The following MGMT variants were observed in gnomAD, a reference collection of about 807,000 sequenced individuals.
MGMT encodes the protein O-6-methylguanine-DNA methyltransferase.
In MGMT, 14 loss-of-function variants were observed where a neutral mutation model predicts 15.9. That is an observed-to-expected ratio of 0.88 (90% CI 0.58 to 1.37). MGMT has a LOEUF of 1.37. Among genes scored for constraint, MGMT ranks in the 40% most tolerant of loss-of-function variants. The pLI is 0.00. For missense variants in MGMT, 282 were observed against 268.1 expected (o/e 1.05, Z -0.36); for synonymous variants, 130 against 118.2 (o/e 1.10, Z -0.65).
chr10:129,495,285 C>T (rs1845508837), intron 1 of MGMT, among the ~76,000 whole-genome samples: 2 of 152,238 alleles, frequency 1.3e-5, no homozygotes, highest in South Asian at 2.1e-4. Context: ...AAACGTAGTA[C>T]CTAATGCTGG....
intron 2 of MGMT, among the ~76,000 whole-genome samples, chr10:129,618,222 T>TA (rs1388907463): frequency 6.6e-6 from 1 of 152,314 alleles, no homozygotes; most frequent in East Asian, 1.9e-4. Context: ...GTTGGATTTC[T>TA]ATCCATTATT....
At chr10:129,536,545 A>G (rs1845987281) in intron 2 of MGMT, 168 bp downstream of exon 2, 1 of 769,450 alleles carries the variant, frequency 1.3e-6, no homozygotes, top group East Asian at 2.8e-5. Context: ...CGGCTCCTGC[A>G]TTTGCAGCTT....
chr10:129,738,402 C>G (rs1054792446), intron 3 of MGMT, among the ~76,000 whole-genome samples: 2 of 152,242 alleles, frequency 1.3e-5, no homozygotes, highest in African/African-American at 4.8e-5. Flanking sequence ...AATGCCTCGC[C>G]CTGCTTTGGC....
At chr10:129,576,529 C>T (rs569668180) in intron 2 of MGMT, among the ~76,000 whole-genome samples, 25 of 152,260 alleles carry the variant, frequency 1.6e-4, no homozygotes, top group East Asian at 3.9e-4. Flanking sequence ...ATTGATGGGA[C>T]GTATCTCAAA....
chr10:129,652,553 T>C (rs1287976935), intron 2 of MGMT, among the ~76,000 whole-genome samples: 1 of 152,094 alleles, frequency 6.6e-6, no homozygotes, highest in African/African-American at 2.4e-5. Context: ...AAGTTGAAGG[T>C]GGGAGGAGGG....
intron 3 of MGMT, among the ~76,000 whole-genome samples, chr10:129,723,301 G>A (rs1352719554): frequency 2.0e-5 from 3 of 152,096 alleles, no homozygotes; most frequent in Non-Finnish European, 4.4e-5. Context: ...AGTCCCCAAA[G>A]TCTATTGTGT....
intron 2 of MGMT, among the ~76,000 whole-genome samples, chr10:129,542,282 G>T (rs1322700953): frequency 6.6e-6 from 1 of 152,136 alleles, no homozygotes; most frequent in Non-Finnish European, 1.5e-5. Flanking sequence ...CCGAGTCTGT[G>T]CTGCCAGTTA....
chr10:129,618,258 C>G (rs1464236892), intron 2 of MGMT, among the ~76,000 whole-genome samples: 1 of 152,088 alleles, frequency 6.6e-6, no homozygotes, highest in Non-Finnish European at 1.5e-5. Flanking sequence ...TTCAGCTGAT[C>G]AAAGTTTAGA....
In MGMT at chr10:129,556,931, G is replaced by A. The variant is rs894646595; in HGVS notation, c.125+20554G>A. ...TGAGGCTACCCTTCATTGAAGGGGG[G>A]CCCGTGATGTTGAGTGTTCACCGTC... On this transcript the variant is annotated intron_variant, in intron 2 of 4. Coordinates refer to ENST00000651593, the MANE Select transcript of MGMT (RefSeq NM_002412.5). This position sits in a 1 kb window ranked among gnomAD's most constrained non-coding sequence, Gnocchi z 4.3. Among the ~76,000 whole-genome samples the A allele has an allele frequency of 9.9e-5, 15 of 152,100 alleles. No individual in the cohort carries two copies. The East Asian group carries it at 2.9e-3, about 29-fold the overall frequency.
intron 2 of MGMT, among the ~76,000 whole-genome samples, chr10:129,622,316 T>C (rs950842597): frequency 1.3e-5 from 2 of 152,250 alleles, no homozygotes; most frequent in Non-Finnish European, 2.9e-5. Context: ...TAAGCAGAGA[T>C]ACGATTCCAC....
At chr10:129,725,641 G>A (rs1018274675) in intron 3 of MGMT, among the ~76,000 whole-genome samples, 18 of 152,230 alleles carry the variant, frequency 1.2e-4, no homozygotes, top group African/African-American at 4.3e-4. Flanking sequence ...GCTGGGGTCT[G>A]CCCACTTCCT....
intron 2 of MGMT, among the ~76,000 whole-genome samples, chr10:129,624,913 T>C (rs1308339148): frequency 6.6e-6 from 1 of 152,006 alleles, no homozygotes; most frequent in Non-Finnish European, 1.5e-5. Flanking sequence ...GAAGGAACAG[T>C]AAAAATAAGA....
chr10:129,625,489 A>G (rs928292907), intron 2 of MGMT, among the ~76,000 whole-genome samples: 2 of 152,248 alleles, frequency 1.3e-5, no homozygotes, highest in Non-Finnish European at 2.9e-5. Context: ...TAGAATGTCA[A>G]TTTTACAATA....
chr10:129,753,640 C>T (rs1848773531), intron 3 of MGMT, among the ~76,000 whole-genome samples: 1 of 152,138 alleles, frequency 6.6e-6, no homozygotes, highest in South Asian at 2.1e-4. Context: ...TATTTTTCAA[C>T]ACTAAATTTT....
intron 4 of MGMT, among the ~76,000 whole-genome samples, chr10:129,762,762 G>A (rs866011222): frequency 1.5e-4 from 23 of 152,250 alleles, no homozygotes; most frequent in Middle Eastern, 3.4e-3. Flanking sequence ...ATGACCCCCC[G>A]AGGCTTGTTC....
At chr10:129,688,261 G>T (rs73390735) in intron 2 of MGMT, among the ~76,000 whole-genome samples, 4 of 152,276 alleles carry the variant, frequency 2.6e-5, no homozygotes, top group African/African-American at 9.6e-5. Context: ...TTGAGGAATC[G>T]CCACACTGAC....
chr10:129,508,451 G>A (rs149827744), intron 1 of MGMT, among the ~76,000 whole-genome samples: 47 of 152,022 alleles, frequency 3.1e-4, no homozygotes, highest in African/African-American at 1.1e-3. Flanking sequence ...AGAAGTTAAA[G>A]GTGGAGTATA....
chr10:129,502,167 TG>T (rs1401128172), intron 1 of MGMT, among the ~76,000 whole-genome samples: 15 of 152,180 alleles, frequency 9.9e-5, no homozygotes, highest in Admixed American at 2.0e-4. Context: ...TCCTGGAGCT[TG>T]GGGAGAGTCC....
chr10:129,574,415 T>C (rs949977825), intron 2 of MGMT, among the ~76,000 whole-genome samples: 3 of 152,246 alleles, frequency 2.0e-5, no homozygotes, highest in Non-Finnish European at 4.4e-5. Context: ...CGAAGAGCTT[T>C]CTGAGAAACT....
Sources: gnomAD v4.1 joint callset for allele counts (sites outside exome capture counted in the v4.1 genomes callset) on GRCh38, gnomAD v4.1.1 for gene constraint, Gnocchi (gnomAD v3.1) non-coding constraint, MANE v1.5 for transcripts, NCBI Gene and HGNC (gene_info 2026-07-23, HGNC 2026-07-21) for gene names.